The following CFAP91 variants were observed in gnomAD, a reference collection of about 807,000 sequenced individuals.
CFAP91 encodes the protein cilia- and flagella-associated protein 91.
Under a neutral mutation model 95.9 loss-of-function variants are expected in CFAP91, and 85 were observed. The ratio of observed to expected loss-of-function variants is 0.89; its 90% CI spans 0.74 to 1.06. CFAP91 has a LOEUF of 1.06. Ranked by LOEUF, CFAP91 falls within the 50% of genes least tolerant of loss-of-function variation. The pLI, the probability that CFAP91 is intolerant of heterozygous loss-of-function variation, is 0.00. For synonymous variants in CFAP91, 335 were observed against 327.5 expected (o/e 1.02, Z -0.25); for missense variants, 962 against 943.4 (o/e 1.02, Z -0.26).
chr3:119,725,981 G>A (rs11917049), intron 6 of CFAP91, among the ~76,000 whole-genome samples, 190 bp from the exon 7 acceptor site: 1 of 152,160 alleles, frequency 6.6e-6, no homozygotes, highest in Non-Finnish European at 1.5e-5. Context: ...TCAATTACTA[G>A]CAAGAGGCAG....
intron 14 of CFAP91, among the ~76,000 whole-genome samples, chr3:119,744,452 A>G (rs1052611406): frequency 3.9e-5 from 6 of 152,220 alleles, no homozygotes; most frequent in African/African-American, 1.2e-4. Context: ...CATGAAGGAA[A>G]CAAATAGGGC....
chr3:119,719,077 T>G (rs925125629), intron 6 of CFAP91, among the ~76,000 whole-genome samples: 2 of 152,166 alleles, frequency 1.3e-5, no homozygotes, highest in African/African-American at 4.8e-5. Context: ...TATAGTCTAT[T>G]CACATAATGG....
At chr3:119,744,432 T>C (rs1229925243) in intron 14 of CFAP91, among the ~76,000 whole-genome samples, 2 of 152,180 alleles carry the variant, frequency 1.3e-5, no homozygotes, top group Non-Finnish European at 2.9e-5. Flanking sequence ...TTAGAAACTG[T>C]AATGAGTTCC....
In CFAP91 at chr3:119,751,016, A is replaced by G. The variant is rs1182687373; in HGVS notation, c.2223A>G (p.Lys741=). ...ACACGGAAAGCATGGTTCAAAAGAA[A>G]TTAACTGAGGGAGAGCAAGATGAGG... The part of the protein sequence containing the change: ...HSYTESMVQK[K]LTEGEQDEAS... The change falls in exon 17 of 18, where the codon AAA becomes AAG. Residue 741 remains lysine, a synonymous_variant. Transcript: ENST00000273390. 1 of 1,613,940 alleles carries G rather than the reference A, an allele frequency of 6.2e-7. No homozygotes were observed. Among genetic ancestry groups the G allele is most frequent in the East Asian group, 2.2e-5 (1 of 44,884 alleles).
intron 7 of CFAP91, among the ~76,000 whole-genome samples, chr3:119,728,974 C>G (rs1455205384): frequency 6.6e-6 from 1 of 152,188 alleles, no homozygotes; most frequent in African/African-American, 2.4e-5. Context: ...TCTTGTACAT[C>G]ATTGTTCCTG....
At chr3:119,713,869 G>T (rs2053521863) in intron 5 of CFAP91, among the ~76,000 whole-genome samples, 1 of 151,874 alleles carries the variant, frequency 6.6e-6, no homozygotes, top group Admixed American at 6.6e-5. Flanking sequence ...ATGCTCACAG[G>T]TATAGATTAC....
intron 17 of CFAP91, among the ~76,000 whole-genome samples, chr3:119,752,937 A>G (rs748609669): frequency 6.6e-6 from 1 of 152,212 alleles, no homozygotes; most frequent in African/African-American, 2.4e-5. Context: ...TCCCCAAAGT[A>G]TATCCTCCCT....
At chr3:119,756,768 T>G (rs1577248338) in intron 17 of CFAP91, among the ~76,000 whole-genome samples, 1 of 152,118 alleles carries the variant, frequency 6.6e-6, no homozygotes, top group East Asian at 1.9e-4. Flanking sequence ...AAGAGATATA[T>G]GACATCTAAG....
intron 5 of CFAP91, among the ~76,000 whole-genome samples, chr3:119,710,796 C>A (rs985804131): frequency 6.6e-6 from 1 of 152,062 alleles, no homozygotes; most frequent in African/African-American, 2.4e-5. Flanking sequence ...TGGTTTCTGC[C>A]CCACAACGGA....
At chr3:119,761,896 A>G (rs2054544555) in intron 17 of CFAP91, among the ~76,000 whole-genome samples, 1 of 152,022 alleles carries the variant, frequency 6.6e-6, no homozygotes, top group African/African-American at 2.4e-5. Context: ...CTCAACAGTA[A>G]AAAGTTGAAG....
intron 9 of CFAP91, 47 bp downstream of exon 9, chr3:119,732,523 A>C: frequency 8.9e-6 from 11 of 1,235,874 alleles, no homozygotes; most frequent in Non-Finnish European, 1.1e-5. Flanking sequence ...AGGTTGTCTC[A>C]GAAATATGAT....
chr3:119,745,158 T>C (rs2054197429), intron 14 of CFAP91, among the ~76,000 whole-genome samples: 1 of 152,244 alleles, frequency 6.6e-6, no homozygotes, highest in African/African-American at 2.4e-5. Flanking sequence ...TACTCAGCTA[T>C]GGACCCACAG....
chr3:119,722,636 ACAC>A (rs1299692677), intron 6 of CFAP91, among the ~76,000 whole-genome samples: 5 of 152,046 alleles, frequency 3.3e-5, no homozygotes, highest in African/African-American at 9.7e-5. Flanking sequence ...CCACAAGTCC[ACAC>A]CACCATGCCA....
chr3:119,703,445 G>T lies in CFAP91; in HGVS notation c.124+223G>T, dbSNP rs752400859. On this transcript the variant is annotated intron_variant, in intron 1 of 17. Coordinates refer to ENST00000273390, the MANE Select transcript of CFAP91 (RefSeq NM_033364.4). ...CGGGTACATCGAAAGGCGCGGGTGC[G>T]CTCCGCTTCGGGGGGCGATTTTCCT... Among the ~76,000 whole-genome samples, 3 of 152,336 alleles carry T rather than the reference G, an allele frequency of 2.0e-5. No individual in the cohort carries two copies. In the East Asian group the frequency reaches 5.8e-4, roughly 29 times the overall value.
At chr3:119,723,785 T>C (rs906911318) in intron 6 of CFAP91, among the ~76,000 whole-genome samples, 2 of 152,208 alleles carry the variant, frequency 1.3e-5, no homozygotes, top group Non-Finnish European at 2.9e-5. Flanking sequence ...GTATCTTTAT[T>C]TGTAAAACAG....
At chr3:119,745,911 A>G (rs1054364993) in intron 14 of CFAP91, among the ~76,000 whole-genome samples, 1 of 152,242 alleles carries the variant, frequency 6.6e-6, no homozygotes, top group African/African-American at 2.4e-5. Context: ...GCCAATCCAC[A>G]AACAGGTACT....
At chr3:119,715,273 C>T (rs1227614333) in intron 5 of CFAP91, 12 of 501,436 alleles carry the variant, frequency 2.4e-5, no homozygotes, top group African/African-American at 3.9e-5. Context: ...TCTAGAATAG[C>T]TCTGTTCTAC....
At chr3:119,757,689 A>G (rs1311997989) in intron 17 of CFAP91, among the ~76,000 whole-genome samples, 1 of 152,144 alleles carries the variant, frequency 6.6e-6, no homozygotes, top group Non-Finnish European at 1.5e-5. Context: ...TTTTAGATAC[A>G]TAATTTTTAA....
intron 13 of CFAP91, among the ~76,000 whole-genome samples, chr3:119,742,306 A>G (rs2054136625): frequency 1.3e-5 from 2 of 152,162 alleles, no homozygotes; most frequent in Non-Finnish European, 1.5e-5. Context: ...TGAGCACCTC[A>G]TGTATAGATG....
Sources: allele counts gnomAD v4.1 joint callset (sites outside exome capture counted in the v4.1 genomes callset), GRCh38; gene constraint gnomAD v4.1.1; transcripts MANE v1.5; gene names NCBI Gene and HGNC (gene_info 2026-07-23, HGNC 2026-07-21).